Variants in GRB14 observed in about 807,000 individuals in gnomAD.
GRB14 encodes growth factor receptor-bound protein 14.
GRB14 carries 38 observed loss-of-function variants against 69.1 expected under a neutral mutation model. That is an observed-to-expected ratio of 0.55 (90% CI 0.42 to 0.72). The LOEUF (loss-of-function observed/expected upper bound fraction) is 0.72, where lower values mean the gene tolerates loss of function less well. Among genes scored for constraint, GRB14 ranks in the 30% least tolerant of loss-of-function variants. The probability of loss-of-function intolerance (pLI) is 0.00; values close to 1 mark genes in which losing one functional copy is unlikely to be tolerated. For missense variants in GRB14, 666 were observed against 666.1 expected (o/e 1.00, Z 0.00); for synonymous variants, 247 against 241.3 (o/e 1.02, Z -0.22).
At chr2:164,573,633 T>A in intron 2 of GRB14, 4 of 1,454,652 alleles carry the variant, frequency 2.7e-6, no homozygotes, top group Non-Finnish European at 3.7e-6. Context: ...TCTTTAATAG[T>A]TTTTTTTTCA....
chr2:164,587,786 C>G (rs1272162329), intron 2 of GRB14, among the ~76,000 whole-genome samples: 1 of 152,138 alleles, frequency 6.6e-6, no homozygotes, highest in Non-Finnish European at 1.5e-5. Context: ...TTTTGTCATT[C>G]TTGATATCAA....
rs1212780649 is a variant in GRB14, at chr2:164,497,380, A to G, written c.1215T>C (p.Ala405=). 2 of 1,612,362 alleles carry G rather than the reference A, an allele frequency of 1.2e-6. No individual in the cohort carries two copies. Among genetic ancestry groups the G allele is most frequent in the Admixed American group, 1.7e-5 (1 of 59,908 alleles). ...ALSVAVEEGL[A]WRKKGCLRLG... ...CATGTGAAGCTACTTGTACCCTCCAAGCGAGTCCTTCTTCAACCGCAACTG... is the reference window on the plus strand; with the variant it reads ...CATGTGAAGCTACTTGTACCCTCCAGGCGAGTCCTTCTTCAACCGCAACTG... The change falls in exon 10 of 14, where the codon GCT becomes GCC. Residue 405 remains alanine (A), a synonymous_variant. Coordinates refer to ENST00000263915, the MANE Select transcript of GRB14 (RefSeq NM_004490.3).
intron 3 of GRB14, among the ~76,000 whole-genome samples, chr2:164,541,168 A>G (rs1053249321): frequency 1.3e-5 from 2 of 152,092 alleles, no homozygotes; most frequent in Non-Finnish European, 2.9e-5. Flanking sequence ...TGTATTTAAA[A>G]TATTTTTTAA....
intron 3 of GRB14, among the ~76,000 whole-genome samples, chr2:164,532,024 T>C (rs1323573969): frequency 6.6e-6 from 1 of 152,196 alleles, no homozygotes; most frequent in Admixed American, 6.5e-5. Flanking sequence ...AGGGTCATCA[T>C]GATATAAGCA....
chr2:164,598,962 A>T (rs1689852360), intron 2 of GRB14, among the ~76,000 whole-genome samples: 1 of 152,144 alleles, frequency 6.6e-6, no homozygotes, highest in African/African-American at 2.4e-5. Flanking sequence ...ACATCTCATG[A>T]CTTTGTGGAA....
chr2:164,576,997 C>T (rs1187568036), intron 2 of GRB14, among the ~76,000 whole-genome samples: 1 of 151,880 alleles, frequency 6.6e-6, no homozygotes, highest in African/African-American at 2.4e-5. Flanking sequence ...GAGACTACTT[C>T]CCCCAATTTT....
In GRB14 at chr2:164,508,529, G is replaced by C. The variant is rs1004103090; in HGVS notation, c.949C>G (p.Arg317Gly). The C allele has an allele frequency of 3.7e-5, 60 of 1,613,916 alleles. No individual in the cohort carries two copies. The highest frequency in any genetic ancestry group is 5.0e-5 in the Non-Finnish European group (59 of 1,179,942). The change falls in exon 8 of 14, where the codon CGA (arginine) becomes GGA (glycine). Residue 317 changes from arginine to glycine, a missense_variant. By Grantham distance (125) the Arg-to-Gly change is moderately radical (BLOSUM62 -2). Transcript: ENST00000263915. ...TCTGCACAGAGCATTTTCAGGTCTCGGGGCCCTCCCGCTTTGTTAGGCTAG... is the reference window on the plus strand; with the variant it reads ...TCTGCACAGAGCATTTTCAGGTCTCCGGGCCCTCCCGCTTTGTTAGGCTAG... ...CFKPNKAGGP[R>G]DLKMLCAEEE... is the part of the protein sequence containing the mutation.
intron 5 of GRB14, among the ~76,000 whole-genome samples, chr2:164,524,782 G>A (rs1452081892): frequency 3.3e-5 from 5 of 151,748 alleles, no homozygotes; most frequent in Non-Finnish European, 7.4e-5. Context: ...AAAATCCTTT[G>A]ACAATTGGCT....
intron 3 of GRB14, among the ~76,000 whole-genome samples, chr2:164,536,159 A>G (rs1428521656): frequency 6.6e-6 from 1 of 152,182 alleles, no homozygotes; most frequent in East Asian, 1.9e-4. Context: ...ATTTTTTGAT[A>G]TAAATGCCTT....
rs777479235 is a variant in GRB14 at position 164,621,144 on chromosome 2, C to T, written c.166G>A (p.Gly56Arg). Residue 56 changes from glycine (G) to arginine (R), a missense_variant, in exon 1 of 14, where the codon GGG (glycine) becomes AGG (arginine). Transcript: ENST00000263915. This position sits in a 1 kb window ranked among gnomAD's most constrained non-coding sequence, Gnocchi z 6.0. ...CTGTCTGCAGCACAGCCGCGGGTCC[C>T]GTCCGGAAGGGGCAGGAGCGCTCGC... ...HARALLPLPDGTRGCAADRRK... is the reference protein window; with the variant it reads ...HARALLPLPDRTRGCAADRRK... 3.2e-6 allele frequency: 4 copies of T among 1,246,120 alleles called. No individual in the cohort carries two copies. The highest frequency in any genetic ancestry group is 4.0e-6 in the Non-Finnish European group (4 of 988,450). The allele number at this position is 1,246,120 out of a possible 1,614,324, so 77.2% of individuals were successfully genotyped here. A position where few individuals can be genotyped will look rare whatever the true frequency, so the allele number is the denominator to read the frequency against.
chr2:164,603,197 A>G (rs1333485499), intron 2 of GRB14, among the ~76,000 whole-genome samples: 4 of 152,066 alleles, frequency 2.6e-5, no homozygotes, highest in African/African-American at 4.8e-5. Context: ...ACCTATGAAA[A>G]GGGGAACTTA....
intron 2 of GRB14, among the ~76,000 whole-genome samples, chr2:164,614,719 T>C (rs1690245990): frequency 6.6e-6 from 1 of 152,206 alleles, no homozygotes; most frequent in African/African-American, 2.4e-5. Flanking sequence ...TACATGGGTT[T>C]CTCTTCTTTT....
At chr2:164,496,485 A>ATAT (rs1686898224) in intron 12 of GRB14, among the ~76,000 whole-genome samples, 1 of 152,190 alleles carries the variant, frequency 6.6e-6, no homozygotes, top group Non-Finnish European at 1.5e-5. Context: ...TCACGGATCT[A>ATAT]TATTACTTTA....
intron 2 of GRB14, among the ~76,000 whole-genome samples, chr2:164,599,388 T>A (rs1253037602): frequency 6.6e-6 from 1 of 152,180 alleles, no homozygotes; most frequent in Non-Finnish European, 1.5e-5. Context: ...GTAAAGAATT[T>A]ACAACCATCT....
At chr2:164,517,257 A>G (rs1023685147) in intron 6 of GRB14, among the ~76,000 whole-genome samples, 1 of 152,140 alleles carries the variant, frequency 6.6e-6, no homozygotes, top group Non-Finnish European at 1.5e-5. Context: ...TATCACGAGA[A>G]TAGCATGGGA....
At chr2:164,617,246 T>G (rs1278211249) in intron 2 of GRB14, among the ~76,000 whole-genome samples, 1 of 152,108 alleles carries the variant, frequency 6.6e-6, no homozygotes, top group Non-Finnish European at 1.5e-5. Context: ...GGGACAGCCC[T>G]CTGGGATGGA....
intron 3 of GRB14, among the ~76,000 whole-genome samples, chr2:164,543,355 TA>T (rs1194252788): frequency 2.7e-5 from 4 of 149,752 alleles, no homozygotes; most frequent in African/African-American, 7.3e-5. Flanking sequence ...TATGAAGCCA[TA>T]AAAAAAAGAA....
intron 2 of GRB14, among the ~76,000 whole-genome samples, chr2:164,550,622 A>C (rs1688510223): frequency 6.6e-6 from 1 of 152,158 alleles, no homozygotes; most frequent in South Asian, 2.1e-4. Flanking sequence ...ATTTTTCTTA[A>C]GCAAACTACT....
chr2:164,493,954 A>G (rs1214158754), intron 13 of GRB14, among the ~76,000 whole-genome samples: 1 of 152,184 alleles, frequency 6.6e-6, no homozygotes, highest in Non-Finnish European at 1.5e-5. Flanking sequence ...GTCACAGAGA[A>G]GCCGAATCAC....
Sources: allele counts gnomAD v4.1 joint callset (sites outside exome capture counted in the v4.1 genomes callset), GRCh38; gene constraint gnomAD v4.1.1; non-coding constraint Gnocchi (gnomAD v3.1); transcripts MANE v1.5; gene names NCBI Gene and HGNC (gene_info 2026-07-23, HGNC 2026-07-21).